Variants in PTPRN2 observed in about 807,000 individuals in gnomAD.
PTPRN2 encodes protein tyrosine phosphatase receptor type N2.
A neutral mutation model predicts 118.8 loss-of-function variants in PTPRN2; 74 were observed. The observed-to-expected ratio is 0.62, with a 90% CI of 0.52 to 0.76. The LOEUF (loss-of-function observed/expected upper bound fraction) is 0.76, where lower values mean the gene tolerates loss of function less well. PTPRN2 is among the 30% of genes least tolerant of loss of function. The pLI, the probability that PTPRN2 is intolerant of heterozygous loss-of-function variation, is 0.00. For synonymous variants in PTPRN2, 641 were observed against 608.0 expected (o/e 1.05, Z -0.80); for missense variants, 1,481 against 1,394.4 (o/e 1.06, Z -0.99).
chr7:158,151,207 A>G lies in PTPRN2; in HGVS notation c.911-12692T>C, dbSNP rs13245872. On this transcript the variant is annotated intron_variant, in intron 6 of 22. Coordinates refer to ENST00000389418, the MANE Select transcript of PTPRN2 (RefSeq NM_002847.5). ...CTGCCTCTCCCTGCCCACACCACCC[A>G]CCTTCTATTCCTGCCTCTCCCTGCC... 1.1e-3 allele frequency among the ~76,000 whole-genome samples: 7 copies of G among 6,604 alleles called. 1 individual carries two copies. Among genetic ancestry groups the G allele is most frequent in the Middle Eastern group, 0.17 (1 of 6 alleles). 4.3% of individuals were successfully genotyped at this position (6,604 alleles called of 152,430 possible). A position where few individuals can be genotyped will look rare whatever the true frequency, so the allele number is the denominator to read the frequency against.
At chr7:157,716,529 A>G (rs28374667) in intron 12 of PTPRN2, among the ~76,000 whole-genome samples, 9,404 of 43,986 alleles carry the variant, frequency 0.21, 2,614 homozygotes, top group Non-Finnish European at 0.28. Flanking sequence ...CAGACTCTGC[A>G]GGAACACTGC....
intron 11 of PTPRN2, among the ~76,000 whole-genome samples, chr7:157,946,821 G>A (rs1800516611): frequency 6.6e-6 from 1 of 152,234 alleles, no homozygotes; most frequent in Non-Finnish European, 1.5e-5. Context: ...CCTGAGAAGG[G>A]CGGAAGCCAT....
At chr7:158,157,179 C>A (rs532543078) in intron 6 of PTPRN2, among the ~76,000 whole-genome samples, 7 of 152,232 alleles carry the variant, frequency 4.6e-5, no homozygotes, top group Non-Finnish European at 8.8e-5. Flanking sequence ...GAGAGCACCC[C>A]TGTTCCATGT....
chr7:157,586,720 G>C (rs891755482), intron 17 of PTPRN2, among the ~76,000 whole-genome samples: 2 of 152,126 alleles, frequency 1.3e-5, no homozygotes, highest in Non-Finnish European at 2.9e-5. Context: ...GGGCCCCGCT[G>C]CTGGATGCTG....
At chr7:157,571,392 GT>G in intron 20 of PTPRN2, 47 bp downstream of exon 20, 1 of 1,444,168 alleles carries the variant, frequency 6.9e-7, no homozygotes, top group African/African-American at 1.4e-5. Flanking sequence ...GCATAGATTA[GT>G]TTTTGAGGTA....
Position 157,805,468 on chromosome 7 carries a change from G to T in PTPRN2, c.1788+93205C>A, listed in dbSNP as rs114769937. ...ATTAGGCTGGAGTAAAATTCAGGGA[G>T]ATGGGAAAAGGAAGACATAAATTTT... On this transcript the variant is annotated intron_variant, in intron 12 of 22. Coordinates refer to ENST00000389418, the MANE Select transcript of PTPRN2 (RefSeq NM_002847.5). 4.1e-3 allele frequency among the ~76,000 whole-genome samples: 623 copies of T among 152,290 alleles called. 3 individuals are homozygous for T. Among genetic ancestry groups the T allele is most frequent in the African/African-American group, 0.014 (573 of 41,552 alleles).
intron 11 of PTPRN2, among the ~76,000 whole-genome samples, chr7:157,982,609 T>TC (rs200748779): frequency 1.1e-5 from 1 of 93,268 alleles, no homozygotes; most frequent in East Asian, 3.3e-4. Flanking sequence ...GAGTGCAGGG[T>TC]CCCCCCTAAA....
chr7:158,478,810 G>A (rs189066762), intron 2 of PTPRN2, among the ~76,000 whole-genome samples: 12 of 152,238 alleles, frequency 7.9e-5, no homozygotes, highest in Admixed American at 3.3e-4. Flanking sequence ...TGGCAGACAC[G>A]TTCATATTCT....
chr7:157,701,385 G>A (rs969172254), intron 12 of PTPRN2, among the ~76,000 whole-genome samples: 11 of 152,188 alleles, frequency 7.2e-5, no homozygotes, highest in Non-Finnish European at 7.3e-5. Flanking sequence ...ATTAATAATA[G>A]TTACTATTCT....
chr7:157,776,551 C>T (rs1352290047), intron 12 of PTPRN2, among the ~76,000 whole-genome samples: 4 of 111,710 alleles, frequency 3.6e-5, no homozygotes, highest in African/African-American at 1.1e-4. Context: ...TCCCTCTCCT[C>T]CTCTCTCTCC....
In PTPRN2 at chr7:157,735,781, G is replaced by A. The variant is rs1262412040; in HGVS notation, c.1789-52844C>T. Among the ~76,000 whole-genome samples, 5 of 152,072 alleles carry A rather than the reference G, an allele frequency of 3.3e-5. No homozygotes were observed. The South Asian group carries it at 6.3e-4, about 19-fold the overall frequency. On this transcript the variant is annotated intron_variant, in intron 12 of 22. Coordinates refer to ENST00000389418, the MANE Select transcript of PTPRN2 (RefSeq NM_002847.5). ...CCGCAAATGTGGGGAGCAGGTGGGC[G>A]CCTTTGGTCCCCGTCCTCCTGGCAG...
chr7:157,710,636 G>A (rs965812563), intron 12 of PTPRN2, among the ~76,000 whole-genome samples: 3 of 152,142 alleles, frequency 2.0e-5, no homozygotes, highest in African/African-American at 7.2e-5. Context: ...CCCCTGGGGG[G>A]ACATCTCTTC....
At chr7:158,193,568 C>T (rs935852654) in intron 4 of PTPRN2, among the ~76,000 whole-genome samples, 3 of 152,086 alleles carry the variant, frequency 2.0e-5, no homozygotes, top group Non-Finnish European at 2.9e-5. Flanking sequence ...CGCCCTGTCC[C>T]CCTTTACCCT....
rs577185673 is a variant in PTPRN2 at position 158,065,538 on chromosome 7, CAGAA to C, written c.1723+15756_1723+15759del. ...GGGCCCTGGGCTAACGGGCTGCGGCCAGAAAGACAGTGGCTGGCGGGGCAGATGG... is the reference window on the plus strand; with the variant it reads ...GGGCCCTGGGCTAACGGGCTGCGGCCAGACAGTGGCTGGCGGGGCAGATGG... On this transcript the variant is annotated intron_variant, in intron 11 of 22. Coordinates refer to ENST00000389418, the MANE Select transcript of PTPRN2 (RefSeq NM_002847.5). Among the ~76,000 whole-genome samples the C allele has an allele frequency of 6.9e-4, 105 of 152,320 alleles. 1 individual carries two copies. Among genetic ancestry groups the C allele is most frequent in the Admixed American group, 3.7e-3 (56 of 15,304 alleles).
At position 157,987,394 on chromosome 7, in the gene PTPRN2, T is replaced by A. The variant is rs1437125683; in HGVS notation, c.1724-88657A>T. 6.6e-6 allele frequency among the ~76,000 whole-genome samples: 1 copy of A among 151,248 alleles called. No homozygotes were observed. Among genetic ancestry groups the A allele is most frequent in the Admixed American group, 6.6e-5 (1 of 15,234 alleles). On this transcript the variant is annotated intron_variant, in intron 11 of 22. Coordinates refer to ENST00000389418, the MANE Select transcript of PTPRN2 (RefSeq NM_002847.5). This position sits in a 1 kb window ranked among gnomAD's most constrained non-coding sequence, Gnocchi z 4.3. ...GACAACCGGTCACTAACGGGGGCAA[T>A]ATGACCCCTCACTAATGGGGTGATC...
chr7:158,096,014 T>TGAAA lies in PTPRN2; in HGVS notation c.1644-14641_1644-14638dup, dbSNP rs1369432212. ...CCAATGCTTCACACTTGAAGTGCATTGAAAAGTCTAGAGAAAAGAATGGGT... is the reference window on the plus strand; with the variant it reads ...CCAATGCTTCACACTTGAAGTGCATTGAAAGAAAAGTCTAGAGAAAAGAATGGGT... On this transcript the variant is annotated intron_variant, in intron 10 of 22. Transcript: ENST00000389418. Among the ~76,000 whole-genome samples the TGAAA allele has an allele frequency of 2.0e-5, 3 of 152,346 alleles. No homozygotes were observed. The East Asian group carries it at 5.8e-4, about 29-fold the overall frequency.
At chr7:157,715,076 T>C (rs1408008405) in intron 12 of PTPRN2, among the ~76,000 whole-genome samples, 1 of 152,260 alleles carries the variant, frequency 6.6e-6, no homozygotes, top group African/African-American at 2.4e-5. Context: ...GACGCGCTTG[T>C]CCTGCTTTCT....
chr7:158,070,479 T>C (rs1811182652), intron 11 of PTPRN2, among the ~76,000 whole-genome samples: 1 of 113,050 alleles, frequency 8.8e-6, no homozygotes. Context: ...GTGGTGGAGG[T>C]GCTCCTGGTG....
chr7:158,422,167 A>G (rs1364890295), intron 2 of PTPRN2, among the ~76,000 whole-genome samples: 1 of 152,250 alleles, frequency 6.6e-6, no homozygotes, highest in Non-Finnish European at 1.5e-5. Flanking sequence ...TTCCTCAGAG[A>G]TCAAAAACTG....
Sources: allele counts gnomAD v4.1 joint callset (sites outside exome capture counted in the v4.1 genomes callset), GRCh38; gene constraint gnomAD v4.1.1; non-coding constraint Gnocchi (gnomAD v3.1); transcripts MANE v1.5; gene names NCBI Gene and HGNC (gene_info 2026-07-23, HGNC 2026-07-21).